The following OLA1 variants were observed in gnomAD, a reference collection of about 807,000 sequenced individuals.
OLA1 encodes the protein Obg like ATPase 1.
Under a neutral mutation model 48.4 loss-of-function variants are expected in OLA1, and 14 were observed. The observed-to-expected ratio is 0.29, with a 90% CI of 0.19 to 0.45. OLA1 has a LOEUF of 0.45. Among genes scored for constraint, OLA1 ranks in the 20% least tolerant of loss-of-function variants. The pLI, the probability that OLA1 is intolerant of heterozygous loss-of-function variation, is 1.00. For synonymous variants in OLA1, 127 were observed against 150.4 expected, an observed-to-expected ratio of 0.84 and a Z score of 1.14; for missense variants, 325 against 467.1, an observed-to-expected ratio of 0.70 and a Z score of 2.80.
chr2:174,187,928 T>C (rs1687690610), intron 4 of OLA1, among the ~76,000 whole-genome samples: 1 of 152,180 alleles, frequency 6.6e-6, no homozygotes, highest in Non-Finnish European at 1.5e-5. Flanking sequence ...TGAAGGATTC[T>C]GTATGTCCAG....
At chr2:174,082,334 AAAATT>A (rs1373575617) in intron 7 of OLA1, among the ~76,000 whole-genome samples, 23 of 152,178 alleles carry the variant, frequency 1.5e-4, no homozygotes, top group Non-Finnish European at 2.4e-4. Context: ...TAGTTACACT[AAAATT>A]GTTCAGCATT....
intron 4 of OLA1, among the ~76,000 whole-genome samples, chr2:174,222,449 C>A (rs576282062): frequency 6.6e-6 from 1 of 152,106 alleles, no homozygotes; most frequent in Admixed American, 6.6e-5. Context: ...TAAGCCTTAA[C>A]CTAAACTCTA....
chr2:174,191,871 A>C (rs1424410422), intron 4 of OLA1, among the ~76,000 whole-genome samples: 1 of 152,192 alleles, frequency 6.6e-6, no homozygotes, highest in African/African-American at 2.4e-5. Flanking sequence ...TTCTAGATGC[A>C]CTCTAAGTCC....
intron 7 of OLA1, among the ~76,000 whole-genome samples, chr2:174,102,640 G>A (rs1459540802): frequency 2.0e-5 from 3 of 151,990 alleles, no homozygotes; most frequent in African/African-American, 7.3e-5. Flanking sequence ...GCTTTCCTTC[G>A]AATAAGGGAA....
rs942225579 is a variant in OLA1 at position 174,075,366 on chromosome 2, ATTT to A, written c.*57_*59del. The A allele has an allele frequency of 1.0e-6, 1 of 988,152 alleles. No individual in the cohort carries two copies. Among genetic ancestry groups the A allele is most frequent in the African/African-American group, 1.7e-5 (1 of 60,024 alleles). The allele number at this position is 988,152 out of a possible 1,614,324, so 61.2% of individuals were successfully genotyped here. On this transcript the variant is annotated 3_prime_UTR_variant, in exon 11 of 11. Transcript: ENST00000284719. ...GTCGCATTGGTTTTCAGAAATTTTAATTTTTTAAAAATCAGATGCCTTTTGGAA... is the reference window on the plus strand; with the variant it reads ...GTCGCATTGGTTTTCAGAAATTTTAATTTAAAAATCAGATGCCTTTTGGAA...
In OLA1 at chr2:174,216,687, G is replaced by A. The variant is rs977657963; in HGVS notation, c.373+6346C>T. On this transcript the variant is annotated intron_variant, in intron 4 of 10. Transcript: ENST00000284719. ...CCTGCCTCAGCCTCTTGAGTAGCTA[G>A]GACTACAGGTGCACGCCACAATGCT... 3.3e-5 allele frequency among the ~76,000 whole-genome samples: 5 copies of A among 151,982 alleles called. 1 individual carries two copies. The East Asian group carries it at 9.7e-4, about 30-fold the overall frequency.
intron 4 of OLA1, among the ~76,000 whole-genome samples, chr2:174,143,203 A>T (rs2105381751): frequency 6.6e-6 from 1 of 152,344 alleles, no homozygotes; most frequent in Non-Finnish European, 1.5e-5. Flanking sequence ...AGGTATGTAA[A>T]GCAATATTTA....
chr2:174,233,950 C>T (rs553569449), intron 2 of OLA1, among the ~76,000 whole-genome samples: 1 of 152,302 alleles, frequency 6.6e-6, no homozygotes, highest in South Asian at 2.1e-4. Context: ...ATACAGTTAA[C>T]CCTTGAACAA....
At chr2:174,173,445 C>G (rs904857758) in intron 4 of OLA1, among the ~76,000 whole-genome samples, 17 of 152,050 alleles carry the variant, frequency 1.1e-4, no homozygotes, top group Non-Finnish European at 1.5e-4. Flanking sequence ...TATTTTTAAG[C>G]CTTTTTTTCT....
intron 7 of OLA1, among the ~76,000 whole-genome samples, chr2:174,105,574 G>A (rs1685496142): frequency 6.6e-6 from 1 of 151,794 alleles, no homozygotes; most frequent in African/African-American, 2.4e-5. Context: ...AAATATGTCA[G>A]GGTAAACTGA....
At chr2:174,092,649 T>TAGACTCTGTCTCAAAAAGAACATTCAG (rs1685155460) in intron 7 of OLA1, among the ~76,000 whole-genome samples, 2 of 152,090 alleles carry the variant, frequency 1.3e-5, no homozygotes, top group Non-Finnish European at 2.9e-5. Flanking sequence ...GTGACAGAGT[T>TAGACTCTGTCTCAAAAAGAACATTCAG]AGACTCTGTC....
intron 7 of OLA1, among the ~76,000 whole-genome samples, chr2:174,095,513 C>G (rs1358595873): frequency 6.6e-6 from 1 of 151,848 alleles, no homozygotes; most frequent in Non-Finnish European, 1.5e-5. Context: ...AAGTCCTCCG[C>G]TCTTGTTTTT....
chr2:174,096,895 C>T (rs570492950), intron 7 of OLA1, among the ~76,000 whole-genome samples: 3 of 152,152 alleles, frequency 2.0e-5, no homozygotes, highest in African/African-American at 2.4e-5. Context: ...TGGTGGCTCA[C>T]GCCTGTAATC....
At chr2:174,233,194 A>C (rs1180095123) in intron 2 of OLA1, among the ~76,000 whole-genome samples, 2 of 152,150 alleles carry the variant, frequency 1.3e-5, no homozygotes, top group East Asian at 3.9e-4. Context: ...AAATCATGGA[A>C]ACAGTAGAAT....
At chr2:174,204,941 G>T (rs1462626987) in intron 4 of OLA1, among the ~76,000 whole-genome samples, 1 of 152,050 alleles carries the variant, frequency 6.6e-6, no homozygotes, top group Non-Finnish European at 1.5e-5. Context: ...TCACCATAAA[G>T]TTTCTGGCCC....
intron 7 of OLA1, among the ~76,000 whole-genome samples, chr2:174,121,803 C>T (rs1685921190): frequency 6.6e-6 from 1 of 152,074 alleles, no homozygotes; most frequent in African/African-American, 2.4e-5. Flanking sequence ...ATTTACTATA[C>T]AATTAGAGCC....
intron 7 of OLA1, among the ~76,000 whole-genome samples, chr2:174,119,864 T>C (rs1685872909): frequency 1.3e-5 from 2 of 152,072 alleles, no homozygotes; most frequent in African/African-American, 4.8e-5. Context: ...CTCAGATTAA[T>C]TGACTCATAT....
chr2:174,193,146 G>A (rs577802712), intron 4 of OLA1, among the ~76,000 whole-genome samples: 1 of 148,716 alleles, frequency 6.7e-6, no homozygotes, highest in East Asian at 2.0e-4. Context: ...CTGGAGTGCA[G>A]TGGCACAATC....
intron 4 of OLA1, among the ~76,000 whole-genome samples, chr2:174,142,624 A>C (rs1257621402): frequency 6.6e-6 from 1 of 152,184 alleles, no homozygotes; most frequent in Non-Finnish European, 1.5e-5. Context: ...CCTTATTAGA[A>C]ACACATGCTA....
Sources: gnomAD v4.1 joint callset for allele counts (sites outside exome capture counted in the v4.1 genomes callset) on GRCh38, gnomAD v4.1.1 for gene constraint, MANE v1.5 for transcripts, NCBI Gene and HGNC (gene_info 2026-07-23, HGNC 2026-07-21) for gene names.